INSC: variants seen among roughly 807,000 people sequenced by gnomAD.
INSC encodes INSC spindle orientation adaptor protein, also known as protein inscuteable homolog.
In INSC, 67 loss-of-function variants were observed where a neutral mutation model predicts 58.6. The ratio of observed to expected loss-of-function variants is 1.14; its 90% confidence interval spans 0.94 to 1.40. The LOEUF (loss-of-function observed/expected upper bound fraction) is 1.40, where lower values mean the gene tolerates loss of function less well. INSC is among the 40% of genes most tolerant of loss of function. The pLI, the probability that INSC is intolerant of heterozygous loss-of-function variation, is 0.00. For synonymous variants in INSC, 262 were observed against 276.1 expected (o/e 0.95, Z 0.51); for missense variants, 714 against 692.0 (o/e 1.03, Z -0.36).
chr11:15,165,409 T>A (rs1849160647), intron 2 of INSC, among the ~76,000 whole-genome samples: 1 of 152,178 alleles, frequency 6.6e-6, no homozygotes, highest in African/African-American at 2.4e-5. Context: ...CACTTAATAA[T>A]CACCAAAAGC....
intron 6 of INSC, among the ~76,000 whole-genome samples, chr11:15,197,551 C>T (rs1220462782): frequency 6.6e-6 from 1 of 152,190 alleles, no homozygotes; most frequent in African/African-American, 2.4e-5. Context: ...CTTCCTCATC[C>T]ACCTCTTTGT....
intron 6 of INSC, among the ~76,000 whole-genome samples, chr11:15,192,709 G>T (rs1590428746): frequency 6.6e-6 from 1 of 152,218 alleles, no homozygotes; most frequent in African/African-American, 2.4e-5. Context: ...GTATCCAATG[G>T]GTCATCCTGT....
At chr11:15,224,588 G>A (rs939444179) in intron 8 of INSC, among the ~76,000 whole-genome samples, 6 of 152,178 alleles carry the variant, frequency 3.9e-5, no homozygotes, top group Admixed American at 3.9e-4. Context: ...TTATCAGTAG[G>A]AGAGGGCCTG....
intron 7 of INSC, among the ~76,000 whole-genome samples, chr11:15,201,447 A>C (rs540387175): frequency 1.3e-5 from 2 of 152,314 alleles, no homozygotes; most frequent in Admixed American, 6.5e-5. Flanking sequence ...CCCCAGTCCA[A>C]GTGCTCACTG....
chr11:15,170,171 ATTT>A (rs1849347706), intron 2 of INSC, among the ~76,000 whole-genome samples: 1 of 151,812 alleles, frequency 6.6e-6, no homozygotes, highest in Non-Finnish European at 1.5e-5. Context: ...TCATATTGTT[ATTT>A]TTTGTTTTTT....
At chr11:15,116,697 GCTTCCTTCCTTCCCTTCCTTT>G (rs982166661) in intron 1 of INSC, among the ~76,000 whole-genome samples, 21 of 151,920 alleles carry the variant, frequency 1.4e-4, no homozygotes, top group Non-Finnish European at 2.4e-4. Flanking sequence ...ATGGTATTGA[GCTTCCTTCCTTCCCTTCCTTT>G]CTTCCTTCCT....
At chr11:15,260,385 T>C in the INSC span, among the ~76,000 whole-genome samples, 2 of 152,164 alleles carry the variant, frequency 1.3e-5, no homozygotes, top group African/African-American at 4.8e-5. Flanking sequence ...TAAATGTTTA[T>C]TTAGTGTCTT....
intron 1 of INSC, among the ~76,000 whole-genome samples, chr11:15,138,196 G>A (rs58776843): frequency 0.033 from 4,990 of 152,032 alleles, 289 homozygotes; most frequent in African/African-American, 0.11. Flanking sequence ...AACTACAATA[G>A]TAATATCAAA....
At chr11:15,120,856 A>G (rs1015780438) in intron 1 of INSC, among the ~76,000 whole-genome samples, 17 of 152,146 alleles carry the variant, frequency 1.1e-4, no homozygotes, top group African/African-American at 4.1e-4. Flanking sequence ...ATCAAATATA[A>G]TAAAAATGTA....
intron 1 of INSC, among the ~76,000 whole-genome samples, chr11:15,144,589 C>T (rs1848449101): frequency 6.6e-6 from 1 of 152,214 alleles, no homozygotes; most frequent in South Asian, 2.1e-4. Flanking sequence ...CTTACTGTCC[C>T]CTGTCCCTTC....
chr11:15,176,568 T>C (rs1590402018), intron 3 of INSC, among the ~76,000 whole-genome samples: 1 of 152,312 alleles, frequency 6.6e-6, no homozygotes, highest in Non-Finnish European at 1.5e-5. Context: ...AGGATTACCT[T>C]TATTTTATAG....
At chr11:15,165,977 T>G (rs568418978) in intron 2 of INSC, among the ~76,000 whole-genome samples, 30 of 152,260 alleles carry the variant, frequency 2.0e-4, no homozygotes, top group African/African-American at 6.3e-4. Context: ...GGGCTATCTT[T>G]CTTATGTCTG....
chr11:15,175,669 A>G, intron 2 of INSC, 72 bp from the exon 3 acceptor site: 2 of 1,171,782 alleles, frequency 1.7e-6, no homozygotes, highest in South Asian at 1.8e-5. Context: ...TAAATATCAG[A>G]TGGCCTAGAA....
chr11:15,183,224 G>T (rs1935774749), intron 5 of INSC, among the ~76,000 whole-genome samples: 1 of 151,888 alleles, frequency 6.6e-6, no homozygotes, highest in East Asian at 1.9e-4. Context: ...GGTGGCACAT[G>T]CTTGTAATCC....
chr11:15,118,830 T>A (rs1175517864), intron 1 of INSC, among the ~76,000 whole-genome samples: 2 of 152,230 alleles, frequency 1.3e-5, no homozygotes, highest in Non-Finnish European at 2.9e-5. Flanking sequence ...TCACAGTAAC[T>A]CACTTTTATT....
chr11:15,229,945 ATATT>A lies in INSC; in HGVS notation c.1170+4118_1170+4121del, dbSNP rs1188050978. ...ATTTTTTATATATTATATATATATA[ATATT>A]ATATATATATTTATATATATATATA... On this transcript the variant is annotated intron_variant, in intron 9 of 12. Transcript: ENST00000379556. Among the ~76,000 whole-genome samples the A allele has an allele frequency of 2.4e-4, 3 of 12,586 alleles. No individual in the cohort carries two copies. In the East Asian group the frequency reaches 4.9e-3, roughly 21 times the overall value. 8.3% of individuals were successfully genotyped at this position (12,586 alleles called of 152,430 possible).
intron 5 of INSC, among the ~76,000 whole-genome samples, chr11:15,183,676 G>A (rs910680911): frequency 1.3e-5 from 2 of 152,142 alleles, no homozygotes; most frequent in African/African-American, 4.8e-5. Context: ...CTCATCCCTA[G>A]GATGTGATAT....
At chr11:15,247,838 T>C (rs1473992918), downstream of INSC, among the ~76,000 whole-genome samples, 1 of 151,726 alleles carries the variant, frequency 6.6e-6, no homozygotes, top group Non-Finnish European at 1.5e-5. Context: ...AATATCATTA[T>C]GATCTCATCT....
chr11:15,218,527 TTTA>T (rs1483410620), intron 7 of INSC, among the ~76,000 whole-genome samples: 1 of 152,166 alleles, frequency 6.6e-6, no homozygotes, highest in African/African-American at 2.4e-5. Flanking sequence ...AGGTGTTCAT[TTTA>T]TTATTTGTTA....
Sources: gnomAD v4.1 joint callset for allele counts (sites outside exome capture counted in the v4.1 genomes callset) on GRCh38, gnomAD v4.1.1 for gene constraint, MANE v1.5 for transcripts, NCBI Gene and HGNC (gene_info 2026-07-23, HGNC 2026-07-21) for gene names.